The following SHPRH variants were observed in gnomAD, a reference collection of about 807,000 sequenced individuals.
SHPRH encodes the protein SNF2 histone linker PHD RING helicase.
A neutral mutation model predicts 202.5 loss-of-function variants in SHPRH; 106 were observed. That is an observed-to-expected ratio of 0.52 (90% CI 0.45 to 0.62). The LOEUF (loss-of-function observed/expected upper bound fraction) is 0.62. Among genes scored for constraint, SHPRH ranks in the 20% least tolerant of loss-of-function variants. The pLI is 0.00. For missense variants in SHPRH, 1,710 were observed against 2,020.0 expected, an observed-to-expected ratio of 0.85 and a Z score of 2.94; for synonymous variants, 729 against 686.0, an observed-to-expected ratio of 1.06 and a Z score of -0.98.
In SHPRH at chr6:145,939,494, C is replaced by T. The variant is rs562009524; in HGVS notation, c.2569+1229G>A. ...CAACATCTTGTATCTCCAAAAAAAC[C>T]GACCCAGGAACTAAGAAATTATTGC... On this transcript the variant is annotated intron_variant, in intron 11 of 29. Coordinates refer to ENST00000275233, the MANE Select transcript of SHPRH (RefSeq NM_001042683.3). Among the ~76,000 whole-genome samples the T allele has an allele frequency of 2.6e-5, 4 of 152,058 alleles. No individual in the cohort carries two copies. The South Asian group carries it at 6.2e-4, about 24-fold the overall frequency.
chr6:145,912,668 C>T (rs1220299427), intron 24 of SHPRH, among the ~76,000 whole-genome samples: 2 of 152,038 alleles, frequency 1.3e-5, no homozygotes, highest in African/African-American at 4.8e-5. Flanking sequence ...TGTGATCTCA[C>T]CTTCTCCACC....
intron 25 of SHPRH, among the ~76,000 whole-genome samples, chr6:145,899,395 C>T (rs183164473): frequency 6.6e-6 from 1 of 152,208 alleles, no homozygotes; most frequent in African/African-American, 2.4e-5. Context: ...CACACATACA[C>T]AGTCAACCAA....
intron 17 of SHPRH, 71 bp from the exon 18 acceptor site, chr6:145,923,856 A>T (rs909181836): frequency 3.4e-5 from 50 of 1,471,934 alleles, no homozygotes; most frequent in Non-Finnish European, 4.3e-5. Context: ...ATCACTGGGC[A>T]GGGTGATGCC....
chr6:145,951,941 CAA>C (rs1788023321), intron 3 of SHPRH: 1 of 454,808 alleles, frequency 2.2e-6, no homozygotes, highest in South Asian at 1.6e-5. Flanking sequence ...AGAAACAGAG[CAA>C]AGTTATCTGG....
At chr6:145,939,608 G>T (rs549563619) in intron 11 of SHPRH, among the ~76,000 whole-genome samples, 1 of 152,160 alleles carries the variant, frequency 6.6e-6, no homozygotes, top group East Asian at 1.9e-4. Context: ...TTTGAGCTGG[G>T]TAAGATCTCA....
chr6:145,862,806 A>G (rs1779628073), downstream of SHPRH: 1 of 152,154 alleles, frequency 6.6e-6, no homozygotes, highest in African/African-American at 2.4e-5. Context: ...TATAATCCTT[A>G]TTTTCCTATT....
At chr6:145,944,521 CACA>C (rs1787157019) in intron 8 of SHPRH, among the ~76,000 whole-genome samples, 1 of 151,750 alleles carries the variant, frequency 6.6e-6, no homozygotes, top group Non-Finnish European at 1.5e-5. Context: ...GGAGTTAAGA[CACA>C]ACATGTAATC....
At chr6:145,942,992 C>G in intron 9 of SHPRH, 151 bp downstream of exon 9, 1 of 866,960 alleles carries the variant, frequency 1.2e-6, no homozygotes, top group Non-Finnish European at 1.7e-6. Context: ...TTCTTAGTCT[C>G]AATTTTTTTC....
intron 28 of SHPRH, among the ~76,000 whole-genome samples, chr6:145,889,948 C>T (rs897039991): frequency 6.6e-6 from 1 of 152,214 alleles, no homozygotes; most frequent in African/African-American, 2.4e-5. Context: ...CTACCAACCC[C>T]TTCCTCCACT....
Position 145,894,231 on chromosome 6 carries a change from T to C in SHPRH, c.4614A>G (p.Gln1538=), listed in dbSNP as rs761260146. 6.3e-7 allele frequency: 1 copy of C among 1,598,712 alleles called. No homozygotes were observed. Among genetic ancestry groups the C allele is most frequent in the African/African-American group, 1.4e-5 (1 of 73,820 alleles). The part of the protein sequence containing the change: ...GAKALVFSTW[Q]DVLDIISKAL... The stretch of plus-strand genomic sequence containing the variant: ...CTTTTGAAATAATATCTAATACATC[T>C]TGCCACTAGAACACATAAAACAATA... The change falls in exon 27 of 30, where the codon CAA becomes CAG. Residue 1538 remains glutamine (Q), a synonymous_variant. Coordinates refer to ENST00000275233, the MANE Select transcript of SHPRH (RefSeq NM_001042683.3).
Position 145,947,577 on chromosome 6 carries a change from A to C in SHPRH, c.1128T>G (p.Gly376=). 3 of 1,612,704 alleles carry C rather than the reference A, an allele frequency of 1.9e-6. No homozygotes were observed. Among genetic ancestry groups the C allele is most frequent in the Middle Eastern group, 3.3e-4 (2 of 6,048 alleles). ...CCAAAACCTCCACTGTCTTTCCAAGACCCATCTCATCTGCTAAAATTCCAC... is the reference window on the plus strand; with the variant it reads ...CCAAAACCTCCACTGTCTTTCCAAGCCCCATCTCATCTGCTAAAATTCCAC... The part of the protein sequence containing the change: ...LLGGILADEM[G]LGKTVEVLAL... Residue 376 remains glycine, a synonymous_variant, in exon 6 of 30, where the codon GGT becomes GGG. Transcript: ENST00000275233.
intron 15 of SHPRH, 27 bp from the exon 16 acceptor site, chr6:145,926,323 A>G (rs776241934): frequency 1.3e-6 from 2 of 1,584,276 alleles, no homozygotes; most frequent in East Asian, 2.2e-5. Flanking sequence ...GGCAGTAATT[A>G]TGACAGTCAA....
chr6:145,862,376 C>A (rs1411540328), downstream of SHPRH, among the ~76,000 whole-genome samples: 3 of 151,780 alleles, frequency 2.0e-5, no homozygotes, highest in African/African-American at 7.3e-5. Context: ...ATGGCGTGAA[C>A]CCGGGAGGCG....
At chr6:145,961,715 T>A (rs997793948) in intron 1 of SHPRH, among the ~76,000 whole-genome samples, 1 of 151,806 alleles carries the variant, frequency 6.6e-6, no homozygotes, top group South Asian at 2.1e-4. Context: ...GTGATAATGA[T>A]AAACTGCAGA....
At chr6:145,865,731 T>C (rs1779750444) in intron 2 of SHPRH, among the ~76,000 whole-genome samples, 1 of 152,164 alleles carries the variant, frequency 6.6e-6, no homozygotes, top group African/African-American at 2.4e-5. Context: ...TCTCCAAGAG[T>C]TGGGTTCAGC....
At chr6:145,858,584 G>C in the SHPRH span, among the ~76,000 whole-genome samples, 11 of 151,978 alleles carry the variant, frequency 7.2e-5, no homozygotes, top group African/African-American at 2.7e-4. Flanking sequence ...GGGAGAGAGG[G>C]ATTACAAAGA....
chr6:145,926,982 C>T (rs148769844), intron 15 of SHPRH, among the ~76,000 whole-genome samples: 252 of 151,888 alleles, frequency 1.7e-3, no homozygotes, highest in Non-Finnish European at 3.2e-3. Context: ...AGGCTTGTGC[C>T]CAAAACTTCC....
chr6:145,889,062 G>A (rs530704259), intron 28 of SHPRH, among the ~76,000 whole-genome samples: 2 of 152,258 alleles, frequency 1.3e-5, no homozygotes, highest in South Asian at 4.1e-4. Context: ...CTATTAGACA[G>A]GTATCCAAGG....
chr6:145,877,574 T>G (rs1052387583), intron 2 of SHPRH: 1 of 152,254 alleles, frequency 6.6e-6, no homozygotes, highest in African/African-American at 2.4e-5. Context: ...GCAAAGTCTC[T>G]TGTGGGAAAA....
Sources: gnomAD v4.1 joint callset for allele counts (sites outside exome capture counted in the v4.1 genomes callset) on GRCh38, gnomAD v4.1.1 for gene constraint, MANE v1.5 for transcripts, NCBI Gene and HGNC (gene_info 2026-07-23, HGNC 2026-07-21) for gene names.